The following EYS variants were observed in gnomAD, a reference collection of about 807,000 sequenced individuals.
EYS encodes the protein protein eyes shut homolog.
Under a neutral mutation model 282.1 loss-of-function variants are expected in EYS, and 250 were observed. The ratio of observed to expected loss-of-function variants is 0.89; its 90% CI spans 0.80 to 0.98. The LOEUF is 0.98. Ranked by LOEUF, EYS falls within the 50% of genes least tolerant of loss-of-function variation. The pLI is 0.00. For synonymous variants in EYS, 1,355 were observed against 1,282.9 expected, an observed-to-expected ratio of 1.06 and a Z score of -1.20; for missense variants, 4,016 against 3,709.0, an observed-to-expected ratio of 1.08 and a Z score of -2.15.
intron 12 of EYS, among the ~76,000 whole-genome samples, chr6:65,126,582 G>T (rs1775725936): frequency 6.6e-6 from 1 of 152,006 alleles, no homozygotes; most frequent in Non-Finnish European, 1.5e-5. Flanking sequence ...ACAGATTTTT[G>T]GGCCCACTCC....
At chr6:65,234,750 CAA>C (rs1030814797) in intron 12 of EYS, among the ~76,000 whole-genome samples, 2 of 152,092 alleles carry the variant, frequency 1.3e-5, no homozygotes, top group African/African-American at 4.8e-5. Flanking sequence ...TAAATATGTA[CAA>C]AGTGTTTGTA....
At chr6:64,766,649 A>AAAAATATATAT (rs1387919586) in intron 22 of EYS, among the ~76,000 whole-genome samples, 2 of 19,068 alleles carry the variant, frequency 1.0e-4, no homozygotes, top group African/African-American at 3.6e-4. Flanking sequence ...AAAAAAAAAA[A>AAAAATATATAT]ATATATATAT....
intron 13 of EYS, among the ~76,000 whole-genome samples, chr6:65,015,092 C>CA (rs1314438255): frequency 6.6e-6 from 1 of 152,096 alleles, no homozygotes; most frequent in Non-Finnish European, 1.5e-5. Context: ...TCTTCAGAAG[C>CA]AACACAACCC....
intron 30 of EYS, among the ~76,000 whole-genome samples, chr6:64,266,088 TAAG>T (rs1426294447): frequency 3.9e-5 from 6 of 152,192 alleles, no homozygotes; most frequent in African/African-American, 1.4e-4. Flanking sequence ...GTTTATATAT[TAAG>T]AAGAGAATCA....
At chr6:63,814,864 C>G (rs1227059681) in intron 36 of EYS, among the ~76,000 whole-genome samples, 1 of 152,158 alleles carries the variant, frequency 6.6e-6, no homozygotes, top group African/African-American at 2.4e-5. Context: ...ATTCATATTA[C>G]ATAAGCTGTG....
rs1274182902 is a variant in EYS, at chr6:64,212,707, T to G, written c.6424+17885A>C. On this transcript the variant is annotated intron_variant, in intron 31 of 42. Transcript: ENST00000503581. ...CATTGTGGAAGACAGTGTGACTATT[T>G]TTCAAAGACCTAAAGACAGAAATAC... 2.0e-5 allele frequency among the ~76,000 whole-genome samples: 3 copies of G among 152,118 alleles called. No individual in the cohort carries two copies. In the South Asian group the frequency reaches 6.2e-4, roughly 31 times the overall value.
At chr6:65,207,620 A>G (rs1766068002) in intron 12 of EYS, among the ~76,000 whole-genome samples, 2 of 151,602 alleles carry the variant, frequency 1.3e-5, no homozygotes, top group Admixed American at 1.3e-4. Context: ...TTACCTGACG[A>G]TAACACATAC....
rs1770442108 is a variant in EYS, at chr6:63,789,099, T to C, written c.7537A>G (p.Thr2513Ala). ...EPLNLSLGVH[T>A]VHLGKFFQEG... ...TGGAAGAACTTGCCCAGATGAACAG[T>C]GTGGACTCCAAGGCTCAGATTGAGG... Residue 2513 changes from threonine (T) to alanine (A), a missense_variant, in exon 38 of 43, where the codon ACT (threonine) becomes GCT (alanine). By Grantham distance (58) the Thr-to-Ala change is moderately conservative. Transcript: ENST00000503581. 1 of 1,551,522 alleles carries C rather than the reference T, an allele frequency of 6.4e-7. No individual in the cohort carries two copies. Among genetic ancestry groups the C allele is most frequent in the African/African-American group, 1.4e-5 (1 of 73,018 alleles).
At chr6:64,135,656 G>A (rs932949847) in intron 31 of EYS, among the ~76,000 whole-genome samples, 1 of 152,084 alleles carries the variant, frequency 6.6e-6, no homozygotes, top group African/African-American at 2.4e-5. Flanking sequence ...ACAATAAGGT[G>A]AGTCTCACAA....
chr6:64,253,523 T>C (rs1767290202), intron 30 of EYS, among the ~76,000 whole-genome samples: 1 of 152,168 alleles, frequency 6.6e-6, no homozygotes, highest in Non-Finnish European at 1.5e-5. Context: ...CTGTCAGCGC[T>C]ACAAATTATT....
intron 24 of EYS, among the ~76,000 whole-genome samples, chr6:64,605,978 G>A (rs537198885): frequency 2.6e-5 from 4 of 151,772 alleles, no homozygotes; most frequent in Admixed American, 6.6e-5. Context: ...AACATCTTAC[G>A]TTCCTCCATT....
chr6:64,100,069 A>G (rs1457524912), intron 31 of EYS, among the ~76,000 whole-genome samples: 4 of 152,140 alleles, frequency 2.6e-5, no homozygotes, highest in Non-Finnish European at 5.9e-5. Flanking sequence ...TGTCTAAATG[A>G]AGGTTTACCT....
At chr6:64,860,591 G>A (rs1766205107) in intron 19 of EYS, among the ~76,000 whole-genome samples, 1 of 152,180 alleles carries the variant, frequency 6.6e-6, no homozygotes, top group African/African-American at 2.4e-5. Flanking sequence ...CCCCAAAGAG[G>A]GTGTTGCAGC....
At chr6:65,525,850 A>G (rs902812794) in intron 2 of EYS, among the ~76,000 whole-genome samples, 1 of 152,230 alleles carries the variant, frequency 6.6e-6, no homozygotes, top group Non-Finnish European at 1.5e-5. Context: ...TTGCCCATTT[A>G]TAAATTATAT....
intron 22 of EYS, among the ~76,000 whole-genome samples, chr6:64,650,840 C>T (rs1768530446): frequency 6.6e-6 from 1 of 151,926 alleles, no homozygotes; most frequent in African/African-American, 2.4e-5. Flanking sequence ...CACATGTACC[C>T]ACTAAATAAA....
intron 13 of EYS, among the ~76,000 whole-genome samples, chr6:65,030,992 G>A (rs1188310180): frequency 2.0e-5 from 3 of 151,696 alleles, no homozygotes; most frequent in Non-Finnish European, 4.4e-5. Context: ...AAAGAGCAGA[G>A]GTTGCTATTC....
At chr6:64,781,313 C>G (rs1773851801) in intron 22 of EYS, among the ~76,000 whole-genome samples, 1 of 152,084 alleles carries the variant, frequency 6.6e-6, no homozygotes, top group Non-Finnish European at 1.5e-5. Flanking sequence ...GGGACTAAGG[C>G]ATCTAGTTTG....
At chr6:63,940,248 A>G (rs10447310) in intron 35 of EYS, among the ~76,000 whole-genome samples, 47,843 of 152,008 alleles carry the variant, frequency 0.31, 7,610 homozygotes, top group Admixed American at 0.39. Flanking sequence ...GCTATGTACC[A>G]TAGATTGAAA....
intron 28 of EYS, among the ~76,000 whole-genome samples, chr6:64,399,269 T>C (rs924819421): frequency 1.2e-4 from 18 of 151,720 alleles, no homozygotes; most frequent in African/African-American, 3.9e-4. Context: ...ATAAGCTCAT[T>C]ATAAAATTTT....
Sources: gnomAD v4.1 joint callset for allele counts (sites outside exome capture counted in the v4.1 genomes callset) on GRCh38, gnomAD v4.1.1 for gene constraint, MANE v1.5 for transcripts, NCBI Gene and HGNC (gene_info 2026-07-23, HGNC 2026-07-21) for gene names.